Variants in EIF4EBP1 observed in about 807,000 individuals in gnomAD.
The protein encoded by EIF4EBP1 is eukaryotic translation initiation factor 4E binding protein 1, also known as eukaryotic translation initiation factor 4E-binding protein 1.
Under a neutral mutation model 9.2 loss-of-function variants are expected in EIF4EBP1, and 5 were observed. The observed-to-expected ratio is 0.54, with a 90% CI of 0.28 to 1.14. EIF4EBP1 has a LOEUF of 1.14. Among genes scored for constraint, EIF4EBP1 ranks in the 50% most tolerant of loss-of-function variants. The pLI, the probability that EIF4EBP1 is intolerant of heterozygous loss-of-function variation, is 0.09. For synonymous variants in EIF4EBP1, 62 were observed against 67.0 expected (o/e 0.93, Z 0.36); for missense variants, 139 against 169.6 (o/e 0.82, Z 1.00).
intron 1 of EIF4EBP1, among the ~76,000 whole-genome samples, chr8:38,031,885 A>T (rs892621081): frequency 1.3e-5 from 2 of 152,242 alleles, no homozygotes; most frequent in South Asian, 2.1e-4. Flanking sequence ...CAGATTGGAC[A>T]AGAAATAGCA....
intron 1 of EIF4EBP1, 45 bp downstream of exon 1, chr8:38,030,763 C>T: frequency 7.3e-7 from 1 of 1,369,580 alleles, no homozygotes; most frequent in Non-Finnish European, 9.4e-7. Flanking sequence ...CCTGGGCGGG[C>T]GGGAGGATCG....
Position 38,036,630 on chromosome 8 carries a change from T to C in EIF4EBP1, c.145+5912T>C, listed in dbSNP as rs1035196338. On this transcript the variant is annotated intron_variant, in intron 1 of 2. Coordinates refer to ENST00000338825, the MANE Select transcript of EIF4EBP1 (RefSeq NM_004095.4). ...CATATAGACCTTTATTTTCATGTTC[T>C]GGAAGATGAGTTAGGAAGGCACAGC... Among the ~76,000 whole-genome samples, 5 of 152,276 alleles carry C rather than the reference T, an allele frequency of 3.3e-5. No homozygotes were observed. The South Asian group carries it at 8.3e-4, about 25-fold the overall frequency.
chr8:38,031,746 T>C (rs998339304), intron 1 of EIF4EBP1, among the ~76,000 whole-genome samples: 1 of 152,216 alleles, frequency 6.6e-6, no homozygotes, highest in African/African-American at 2.4e-5. Flanking sequence ...CTCTGCTGTT[T>C]GATCCAAAAC....
chr8:38,030,687 C>G lies in EIF4EBP1; in HGVS notation c.114C>G (p.Pro38=), dbSNP rs1486288505. 2.0e-6 allele frequency: 3 copies of G among 1,477,764 alleles called. No individual in the cohort carries two copies. The highest frequency in any genetic ancestry group is 1.8e-6 in the Non-Finnish European group (2 of 1,119,886). 91.5% of individuals were successfully genotyped at this position (1,477,764 alleles called of 1,614,324 possible). The change falls in exon 1 of 3, where the codon CCC becomes CCG. Residue 38 remains proline (P), a synonymous_variant. Coordinates refer to ENST00000338825, the MANE Select transcript of EIF4EBP1 (RefSeq NM_004095.4). ...QLPPGDYSTT[P]GGTLFSTTPG... ...CGCCCGGGGACTACAGCACGACCCC[C>G]GGCGGCACGCTCTTCAGCACCACCC...
At chr8:38,054,674 G>A (rs1434046346) in intron 1 of EIF4EBP1, among the ~76,000 whole-genome samples, 2 of 152,058 alleles carry the variant, frequency 1.3e-5, no homozygotes, top group Non-Finnish European at 2.9e-5. Context: ...CTTGCAGAGT[G>A]GAGCAGTGCC....
At chr8:38,054,677 G>C (rs548270058) in intron 1 of EIF4EBP1, among the ~76,000 whole-genome samples, 5 of 152,108 alleles carry the variant, frequency 3.3e-5, no homozygotes, top group Non-Finnish European at 7.4e-5. Context: ...GCAGAGTGGA[G>C]CAGTGCCACA....
intron 1 of EIF4EBP1, among the ~76,000 whole-genome samples, chr8:38,033,989 G>A (rs557583719): frequency 7.2e-5 from 11 of 151,998 alleles, no homozygotes; most frequent in Admixed American, 2.6e-4. Context: ...CTCGTGATCC[G>A]CCTGCATTGG....
chr8:38,057,289 C>T (rs1244691173), intron 2 of EIF4EBP1, 29 bp downstream of exon 2: 1 of 1,506,418 alleles, frequency 6.6e-7, no homozygotes, highest in Non-Finnish European at 8.9e-7. Flanking sequence ...CCAGGCTCTA[C>T]CTTGGGAAAG....
rs539100593 is a variant in EIF4EBP1 at position 38,048,010 on chromosome 8, A to T, written c.146-9071A>T. Reference sequence around the variant, plus strand: ...ACATAGCAAGATTCTGTCTTTAAGGAAAACAAAAAACAAAAACAGGCTGGG... The same window carrying T: ...ACATAGCAAGATTCTGTCTTTAAGGTAAACAAAAAACAAAAACAGGCTGGG... On this transcript the variant is annotated intron_variant, in intron 1 of 2. Transcript: ENST00000338825. Among the ~76,000 whole-genome samples, 19 of 152,198 alleles carry T rather than the reference A, an allele frequency of 1.2e-4. No individual in the cohort carries two copies. In the South Asian group the frequency reaches 3.7e-3, roughly 30 times the overall value.
At chr8:38,043,347 TTTTC>T (rs1809408513) in intron 1 of EIF4EBP1, among the ~76,000 whole-genome samples, 1 of 151,342 alleles carries the variant, frequency 6.6e-6, no homozygotes, top group Non-Finnish European at 1.5e-5. Context: ...GCCAATTTTC[TTTTC>T]TTTTCTTTTC....
intron 1 of EIF4EBP1, among the ~76,000 whole-genome samples, chr8:38,033,248 G>A (rs548563245): frequency 1.3e-5 from 2 of 151,394 alleles, no homozygotes; most frequent in Non-Finnish European, 2.9e-5. Flanking sequence ...GTATTTTTTG[G>A]TAGAGACGGG....
rs1809624873 is a variant in EIF4EBP1 at position 38,058,311 on chromosome 8, A to T, written c.325+1051A>T. Among the ~76,000 whole-genome samples, 4 of 152,214 alleles carry T rather than the reference A, an allele frequency of 2.6e-5. No individual in the cohort carries two copies. In the South Asian group the frequency reaches 8.3e-4, roughly 32 times the overall value. On this transcript the variant is annotated intron_variant, in intron 2 of 2. Transcript: ENST00000338825. ...GGTGAGGGCCTCCTGCTGCATCATAACATGGCGGAAGGCATCACAGGGCAA... is the reference window on the plus strand; with the variant it reads ...GGTGAGGGCCTCCTGCTGCATCATATCATGGCGGAAGGCATCACAGGGCAA...
At chr8:38,051,684 C>T (rs559002154) in intron 1 of EIF4EBP1, among the ~76,000 whole-genome samples, 13 of 152,144 alleles carry the variant, frequency 8.5e-5, no homozygotes, top group South Asian at 4.1e-4. Flanking sequence ...CTGCAACCCC[C>T]GCCTCCCAGG....
intron 1 of EIF4EBP1, among the ~76,000 whole-genome samples, chr8:38,036,131 G>A (rs745504940): frequency 6.6e-6 from 1 of 152,098 alleles, no homozygotes; most frequent in Non-Finnish European, 1.5e-5. Context: ...TCGGCCTCCC[G>A]AGTAGCTGGG....
At chr8:38,058,229 T>C (rs1043985408) in intron 2 of EIF4EBP1, among the ~76,000 whole-genome samples, 3 of 152,192 alleles carry the variant, frequency 2.0e-5, no homozygotes, top group Admixed American at 2.0e-4. Flanking sequence ...GTTTATTTCT[T>C]ACAGTTCTAG....
intron 1 of EIF4EBP1, 50 bp downstream of exon 1, chr8:38,030,768 G>C: frequency 7.3e-7 from 1 of 1,374,934 alleles, no homozygotes; most frequent in Non-Finnish European, 9.3e-7. Context: ...GCGGGCGGGA[G>C]GATCGGGAAT....
intron 1 of EIF4EBP1, among the ~76,000 whole-genome samples, chr8:38,053,363 G>C: frequency 6.6e-6 from 1 of 151,990 alleles, no homozygotes; most frequent in East Asian, 1.9e-4. Context: ...TTGTTCTGTC[G>C]CCCAGGCTGG....
rs141416397 is a variant in EIF4EBP1 at position 38,059,325 on chromosome 8, C to T, written c.326-579C>T. 1.2e-3 allele frequency among the ~76,000 whole-genome samples: 180 copies of T among 152,296 alleles called. 1 individual carries two copies. Among genetic ancestry groups the T allele is most frequent in the African/African-American group, 4.0e-3 (168 of 41,580 alleles). ...CGCCACTCCACCCTCTCTCTTGCTCCTGCTTCCTCCATGTGACATGCCTGC... is the reference window on the plus strand; with the variant it reads ...CGCCACTCCACCCTCTCTCTTGCTCTTGCTTCCTCCATGTGACATGCCTGC... On this transcript the variant is annotated intron_variant, in intron 2 of 2. Coordinates refer to ENST00000338825, the MANE Select transcript of EIF4EBP1 (RefSeq NM_004095.4).
intron 1 of EIF4EBP1, among the ~76,000 whole-genome samples, chr8:38,034,611 T>C (rs937589865): frequency 1.3e-5 from 2 of 152,218 alleles, no homozygotes; most frequent in East Asian, 1.9e-4. Context: ...GAAGCCTATA[T>C]ACAGGCTTGG....
Sources: gnomAD v4.1 joint callset for allele counts (sites outside exome capture counted in the v4.1 genomes callset) on GRCh38, gnomAD v4.1.1 for gene constraint, MANE v1.5 for transcripts, NCBI Gene and HGNC (gene_info 2026-07-23, HGNC 2026-07-21) for gene names.